The following BBX variants were observed in gnomAD, a reference collection of about 807,000 sequenced individuals.
The protein encoded by BBX is BBX high mobility group box domain containing, also known as HMG box transcription factor BBX.
A neutral mutation model predicts 100.2 loss-of-function variants in BBX; 30 were observed. The observed-to-expected ratio is 0.30, with a 90% confidence interval of 0.22 to 0.41. The LOEUF is 0.41. Ranked by LOEUF, BBX falls within the 10% of genes least tolerant of loss-of-function variation. BBX has a pLI of 1.00. For missense variants in BBX, 1,023 were observed against 1,129.8 expected, an observed-to-expected ratio of 0.91 and a Z score of 1.35; for synonymous variants, 376 against 388.1, an observed-to-expected ratio of 0.97 and a Z score of 0.37.
chr3:107,566,502 G>A (rs2050925974), intron 2 of BBX, among the ~76,000 whole-genome samples: 1 of 150,720 alleles, frequency 6.6e-6, no homozygotes, highest in South Asian at 2.1e-4. Context: ...CACTTAGAGT[G>A]AGAATTATTT....
intron 3 of BBX, among the ~76,000 whole-genome samples, chr3:107,673,833 C>T (rs1447553056): frequency 1.3e-5 from 2 of 152,080 alleles, no homozygotes; most frequent in African/African-American, 4.8e-5. Context: ...TACATTTCTT[C>T]ATGTATAAAC....
intron 7 of BBX, among the ~76,000 whole-genome samples, chr3:107,737,987 C>T (rs1391867292): frequency 7.3e-6 from 1 of 136,096 alleles, no homozygotes; most frequent in African/African-American, 2.7e-5. Context: ...CTCTAGTGAG[C>T]ATTTCCCTTT....
intron 2 of BBX, among the ~76,000 whole-genome samples, chr3:107,554,609 A>T: frequency 6.6e-6 from 1 of 152,110 alleles, no homozygotes; most frequent in Non-Finnish European, 1.5e-5. Context: ...TTATTCTTTA[A>T]TTTATTCTGT....
At chr3:107,640,982 G>A (rs1576129911) in intron 2 of BBX, among the ~76,000 whole-genome samples, 1 of 151,986 alleles carries the variant, frequency 6.6e-6, no homozygotes, top group Admixed American at 6.6e-5. Flanking sequence ...TTTTTGCAGT[G>A]TTAATGCATA....
chr3:107,728,917 A>G lies in BBX; in HGVS notation c.558A>G (p.Lys186=). ...CAAGAGACTTGCCAAGCCCCAAGAA[A>G]GCAAAGACTGAAGAAATGCCTCAGC... ...DSSRDLPSPK[K]AKTEEMPQLN... is the part of the protein sequence containing the mutation. Residue 186 remains lysine, a synonymous_variant, in exon 6 of 18, where the codon AAA becomes AAG. Coordinates refer to ENST00000325805, the MANE Select transcript of BBX (RefSeq NM_001142568.3). The G allele has an allele frequency of 1.9e-6, 3 of 1,613,808 alleles. No individual in the cohort carries two copies. Among genetic ancestry groups the G allele is most frequent in the Non-Finnish European group, 2.5e-6 (3 of 1,179,794 alleles).
At chr3:107,779,020 T>TATATATATATATATATATACACAC (rs1449263925) in intron 13 of BBX, among the ~76,000 whole-genome samples, 1 of 95,812 alleles carries the variant, frequency 1.0e-5, no homozygotes, top group African/African-American at 4.1e-5. Flanking sequence ...TATATATATA[T>TATATATATATATATATATACACAC]ACACACACAC....
intron 13 of BBX, among the ~76,000 whole-genome samples, chr3:107,784,109 T>G (rs2068177243): frequency 6.6e-6 from 1 of 152,030 alleles, no homozygotes; most frequent in Non-Finnish European, 1.5e-5. Context: ...ATTTAGATTA[T>G]ATCTGTGAAT....
chr3:107,701,924 T>C (rs2061088106), intron 3 of BBX, among the ~76,000 whole-genome samples: 1 of 152,202 alleles, frequency 6.6e-6, no homozygotes, highest in African/African-American at 2.4e-5. Flanking sequence ...TATATATGTC[T>C]AGCTAGCATT....
intron 5 of BBX, among the ~76,000 whole-genome samples, chr3:107,722,023 T>C (rs560221539): frequency 6.6e-6 from 1 of 152,086 alleles, no homozygotes; most frequent in South Asian, 2.1e-4. Flanking sequence ...GCTACTAAAA[T>C]GCAAAATCAG....
intron 17 of BBX, among the ~76,000 whole-genome samples, chr3:107,802,248 G>A (rs1400372418): frequency 1.3e-5 from 2 of 152,318 alleles, no homozygotes; most frequent in East Asian, 3.9e-4. Flanking sequence ...GCTCCTTTTT[G>A]ACATCCAGGT....
intron 13 of BBX, among the ~76,000 whole-genome samples, chr3:107,784,526 A>T (rs2068223428): frequency 6.6e-6 from 1 of 152,008 alleles, no homozygotes; most frequent in African/African-American, 2.4e-5. Flanking sequence ...TCACGAATAT[A>T]TAGAAATTAA....
At chr3:107,619,536 A>AT (rs57205369) in intron 2 of BBX, among the ~76,000 whole-genome samples, 6,524 of 147,884 alleles carry the variant, frequency 0.044, 167 homozygotes, top group Admixed American at 0.062. Flanking sequence ...TTTGTTTACC[A>AT]TTTTTTTTTT....
At chr3:107,792,187 T>G (rs2069131791) in intron 15 of BBX, among the ~76,000 whole-genome samples, 1 of 152,238 alleles carries the variant, frequency 6.6e-6, no homozygotes, top group Admixed American at 6.5e-5. Flanking sequence ...AGGCCACCTC[T>G]CCCTTCTTCC....
intron 3 of BBX, among the ~76,000 whole-genome samples, chr3:107,647,656 G>A (rs1409078016): frequency 6.6e-6 from 1 of 152,130 alleles, no homozygotes; most frequent in African/African-American, 2.4e-5. Flanking sequence ...GATGTTACTT[G>A]GCAAAAGGAT....
chr3:107,702,135 G>A (rs141440854), intron 3 of BBX, among the ~76,000 whole-genome samples: 2 of 152,304 alleles, frequency 1.3e-5, no homozygotes, highest in East Asian at 1.9e-4. Context: ...AGAAACCTGG[G>A]GATAGACCTG....
intron 2 of BBX, among the ~76,000 whole-genome samples, chr3:107,645,624 G>A (rs2057469709): frequency 6.6e-6 from 1 of 152,132 alleles, no homozygotes; most frequent in Non-Finnish European, 1.5e-5. Context: ...AATAATTTTA[G>A]TGACTGTCTT....
intron 16 of BBX, 136 bp downstream of exon 16, chr3:107,798,856 A>C: frequency 2.2e-5 from 22 of 996,550 alleles, no homozygotes; most frequent in African/African-American, 5.0e-5. Flanking sequence ...AAAAACAAAA[A>C]CAAAAAAAAC....
At chr3:107,764,183 G>A (rs1203887157) in intron 10 of BBX, among the ~76,000 whole-genome samples, 2 of 152,100 alleles carry the variant, frequency 1.3e-5, no homozygotes, top group African/African-American at 2.4e-5. Context: ...GTAGAGACAG[G>A]GTTTCACCGT....
intron 10 of BBX, among the ~76,000 whole-genome samples, chr3:107,758,737 C>G (rs1386638661): frequency 6.6e-6 from 1 of 152,082 alleles, no homozygotes; most frequent in Non-Finnish European, 1.5e-5. Context: ...TGTGACATCC[C>G]CTGAGAATGC....
Sources: allele counts gnomAD v4.1 joint callset (sites outside exome capture counted in the v4.1 genomes callset), GRCh38; gene constraint gnomAD v4.1.1; transcripts MANE v1.5; gene names NCBI Gene and HGNC (gene_info 2026-07-23, HGNC 2026-07-21).